The following MSRA variants were observed in gnomAD, a reference collection of about 807,000 sequenced individuals.
The protein encoded by MSRA is methionine sulfoxide reductase A.
A neutral mutation model predicts 31.3 loss-of-function variants in MSRA; 54 were observed. The ratio of observed to expected loss-of-function variants is 1.73; its 90% confidence interval spans 1.39 to 2.17. The LOEUF (loss-of-function observed/expected upper bound fraction) is 2.17. Among genes scored for constraint, MSRA ranks in the 30% most tolerant of loss-of-function variants. MSRA has a pLI of 0.00. For missense variants in MSRA, 507 were observed against 300.9 expected (o/e 1.69, Z -5.07); for synonymous variants, 169 against 116.5 (o/e 1.45, Z -2.90).
intron 1 of MSRA, among the ~76,000 whole-genome samples, chr8:10,202,948 C>T (rs1283634983): frequency 6.6e-6 from 1 of 152,072 alleles, no homozygotes; most frequent in Non-Finnish European, 1.5e-5. Flanking sequence ...GTCAGGCCGT[C>T]TTGTCCTGGA....
chr8:10,309,807 G>C (rs370585265), intron 4 of MSRA, among the ~76,000 whole-genome samples: 22 of 152,296 alleles, frequency 1.4e-4, no homozygotes, highest in African/African-American at 4.6e-4. Context: ...GACGTGTGCA[G>C]TCACCACAAA....
At position 10,371,721 on chromosome 8, in the gene MSRA, G is replaced by A. The variant is rs141283033; in HGVS notation, c.543+51732G>A. ...CTCTGTGCCTGCCTTCTTTGTGGTC[G>A]GTGGTGTTGCAGTTCCTACCATGCA... On this transcript the variant is annotated intron_variant, in intron 5 of 5. Transcript: ENST00000317173. Among the ~76,000 whole-genome samples, 20 of 152,174 alleles carry A rather than the reference G, an allele frequency of 1.3e-4. No individual in the cohort carries two copies. The East Asian group carries it at 3.9e-3, about 29-fold the overall frequency.
chr8:10,347,919 G>A (rs545973358), intron 5 of MSRA, among the ~76,000 whole-genome samples: 1 of 152,310 alleles, frequency 6.6e-6, no homozygotes, highest in South Asian at 2.1e-4. Flanking sequence ...ACGCTGTGCT[G>A]TAGTGATCGA....
intron 1 of MSRA, among the ~76,000 whole-genome samples, chr8:10,159,137 G>A (rs1024971985): frequency 6.6e-6 from 1 of 152,218 alleles, no homozygotes; most frequent in African/African-American, 2.4e-5. Context: ...TAAGAATGGT[G>A]AGAAGTGAGT....
rs1799414577 is a variant in MSRA, at chr8:10,099,793, G to C, written c.142+45135G>C. ...TGGAGATGATATGAAACAAGGACTT[G>C]CCTGGTGTGGGGTGGCCCTGGACAC... On this transcript the variant is annotated intron_variant, in intron 1 of 5. Coordinates refer to ENST00000317173, the MANE Select transcript of MSRA (RefSeq NM_012331.5). Among the ~76,000 whole-genome samples the C allele has an allele frequency of 1.3e-5, 2 of 152,180 alleles. 1 individual carries two copies. The highest frequency in any genetic ancestry group is 4.1e-4 in the South Asian group (2 of 4,826).
chr8:10,257,397 C>G (rs1435257777), intron 3 of MSRA, among the ~76,000 whole-genome samples: 1 of 152,058 alleles, frequency 6.6e-6, no homozygotes, highest in South Asian at 2.1e-4. Flanking sequence ...GTCCATAAAC[C>G]TTCTTCATTT....
At chr8:10,119,926 GA>G (rs1296330465) in intron 1 of MSRA, among the ~76,000 whole-genome samples, 1 of 152,304 alleles carries the variant, frequency 6.6e-6, no homozygotes, top group South Asian at 2.1e-4. Flanking sequence ...AGAGAGCTTT[GA>G]AGCTTTACCA....
intron 2 of MSRA, among the ~76,000 whole-genome samples, chr8:10,239,525 C>A (rs1212770108): frequency 6.6e-6 from 1 of 152,234 alleles, no homozygotes. Context: ...CAAATGCTTG[C>A]AAGGGTGTGG....
At chr8:10,247,140 A>G (rs572987063) in intron 3 of MSRA, among the ~76,000 whole-genome samples, 15 of 152,344 alleles carry the variant, frequency 9.8e-5, no homozygotes, top group African/African-American at 1.7e-4. Flanking sequence ...GATAATTGCC[A>G]TGTGTTAAAC....
At chr8:10,265,972 G>T (rs1798727648) in intron 3 of MSRA, among the ~76,000 whole-genome samples, 1 of 152,154 alleles carries the variant, frequency 6.6e-6, no homozygotes, top group African/African-American at 2.4e-5. Flanking sequence ...TCTCTTGTAT[G>T]GATGAAGCAT....
At chr8:10,246,558 T>C (rs1365508470) in intron 3 of MSRA, among the ~76,000 whole-genome samples, 1 of 152,162 alleles carries the variant, frequency 6.6e-6, no homozygotes, top group East Asian at 1.9e-4. Context: ...AAGTGTGGTT[T>C]GTGGAGGATG....
chr8:10,168,769 A>G (rs1805358057), intron 1 of MSRA, among the ~76,000 whole-genome samples: 1 of 152,204 alleles, frequency 6.6e-6, no homozygotes, highest in Non-Finnish European at 1.5e-5. Flanking sequence ...CCTTGCAGGA[A>G]TCCTTCCTTC....
At chr8:10,071,110 T>A (rs1351761478) in intron 1 of MSRA, among the ~76,000 whole-genome samples, 1 of 152,236 alleles carries the variant, frequency 6.6e-6, no homozygotes, top group African/African-American at 2.4e-5. Context: ...CAGTTTGATA[T>A]TCCCACCAGC....
At chr8:10,325,686 G>A (rs1214307777) in intron 5 of MSRA, among the ~76,000 whole-genome samples, 1 of 152,222 alleles carries the variant, frequency 6.6e-6, no homozygotes. Context: ...ATACCGTAAA[G>A]AGGTTGATCA....
intron 5 of MSRA, among the ~76,000 whole-genome samples, chr8:10,382,893 C>T (rs1806160086): frequency 6.6e-6 from 1 of 152,224 alleles, no homozygotes; most frequent in African/African-American, 2.4e-5. Flanking sequence ...CTTCACCCTC[C>T]ACCGCCAGCT....
intron 1 of MSRA, among the ~76,000 whole-genome samples, chr8:10,086,750 C>T (rs545834639): frequency 2.0e-5 from 3 of 151,526 alleles, no homozygotes; most frequent in Non-Finnish European, 4.4e-5. Flanking sequence ...TCAGTAAATA[C>T]TTAATAAATC....
intron 5 of MSRA, among the ~76,000 whole-genome samples, chr8:10,340,234 C>A (rs1257575964): frequency 6.6e-6 from 1 of 152,088 alleles, no homozygotes; most frequent in East Asian, 1.9e-4. Flanking sequence ...CTCAGGTCTC[C>A]CAAGCTGACC....
chr8:10,082,735 C>T (rs1798357840), intron 1 of MSRA, among the ~76,000 whole-genome samples: 1 of 152,162 alleles, frequency 6.6e-6, no homozygotes, highest in African/African-American at 2.4e-5. Context: ...TTCCGGTGTG[C>T]TGTGACCCCC....
chr8:10,307,364 G>A (rs908936947), intron 4 of MSRA, among the ~76,000 whole-genome samples: 6 of 151,954 alleles, frequency 3.9e-5, no homozygotes, highest in African/African-American at 9.6e-5. Context: ...GATGGATTTC[G>A]CCATGTTGCT....
Sources: gnomAD v4.1 joint callset for allele counts (sites outside exome capture counted in the v4.1 genomes callset) on GRCh38, gnomAD v4.1.1 for gene constraint, MANE v1.5 for transcripts, NCBI Gene and HGNC (gene_info 2026-07-23, HGNC 2026-07-21) for gene names.